ABHD17C: variants seen among roughly 807,000 people sequenced by gnomAD.
ABHD17C encodes abhydrolase domain containing 17C, depalmitoylase, also known as alpha/beta hydrolase domain-containing protein 17C.
ABHD17C carries 11 observed loss-of-function variants against 27.9 expected under a neutral mutation model. The observed-to-expected ratio is 0.39, with a 90% CI of 0.25 to 0.65. The LOEUF (loss-of-function observed/expected upper bound fraction) is 0.65. ABHD17C is among the 30% of genes least tolerant of loss of function. ABHD17C has a pLI of 0.45. For synonymous variants in ABHD17C, 233 were observed against 209.1 expected, an observed-to-expected ratio of 1.11 and a Z score of -0.98; for missense variants, 280 against 470.2, an observed-to-expected ratio of 0.60 and a Z score of 3.74.
intron 2 of ABHD17C, among the ~76,000 whole-genome samples, chr15:80,751,743 G>A (rs1895369221): frequency 6.6e-6 from 1 of 152,190 alleles, no homozygotes; most frequent in Non-Finnish European, 1.5e-5. Context: ...AACAGAGCAA[G>A]ACCCTGTCTC....
At chr15:80,737,172 C>T (rs116435738) in intron 1 of ABHD17C, among the ~76,000 whole-genome samples, 1,701 of 152,304 alleles carry the variant, frequency 0.011, 30 homozygotes, top group African/African-American at 0.039. Context: ...CTGCACACAT[C>T]GCACTGCCCG....
At chr15:80,749,462 C>T in intron 1 of ABHD17C, 51 bp from the exon 2 acceptor site, 1 of 1,577,644 alleles carries the variant, frequency 6.3e-7, no homozygotes, top group Non-Finnish European at 8.6e-7. Flanking sequence ...CTGTCCCTTT[C>T]TCTCTTTCTT....
intron 1 of ABHD17C, among the ~76,000 whole-genome samples, chr15:80,696,761 A>G (rs1263617204): frequency 1.3e-5 from 2 of 152,238 alleles, no homozygotes; most frequent in Non-Finnish European, 2.9e-5. Flanking sequence ...TCTGTGAGCC[A>G]GGCACAAACT....
chr15:80,745,009 G>A (rs1895263130), intron 1 of ABHD17C, among the ~76,000 whole-genome samples: 1 of 152,128 alleles, frequency 6.6e-6, no homozygotes, highest in Admixed American at 6.5e-5. Flanking sequence ...AGTTTTGTGA[G>A]GGCTGTCTCC....
At chr15:80,724,512 G>A (rs1389489819) in intron 1 of ABHD17C, among the ~76,000 whole-genome samples, 2 of 152,140 alleles carry the variant, frequency 1.3e-5, no homozygotes, top group African/African-American at 4.8e-5. Context: ...TGATGATTGA[G>A]TTATGTCTTG....
chr15:80,710,536 A>T (rs60000109), intron 1 of ABHD17C, among the ~76,000 whole-genome samples: 12,349 of 152,176 alleles, frequency 0.081, 604 homozygotes, highest in Admixed American at 0.14. Context: ...ATTTTAGATG[A>T]GAGATGCTGG....
chr15:80,740,176 C>T, intron 1 of ABHD17C, among the ~76,000 whole-genome samples: 1 of 152,128 alleles, frequency 6.6e-6, no homozygotes, highest in Non-Finnish European at 1.5e-5. Flanking sequence ...TCATTACTTA[C>T]TTTTCTGTGA....
chr15:80,717,296 T>C (rs922387986), intron 1 of ABHD17C, among the ~76,000 whole-genome samples: 1 of 151,848 alleles, frequency 6.6e-6, no homozygotes, highest in African/African-American at 2.4e-5. Context: ...CTAATACTTT[T>C]CATCTTTGCC....
chr15:80,699,213 C>A (rs924231735), intron 1 of ABHD17C, among the ~76,000 whole-genome samples: 4 of 152,166 alleles, frequency 2.6e-5, no homozygotes, highest in African/African-American at 9.7e-5. Context: ...TCTCTGAGGG[C>A]AGGGACACTA....
chr15:80,705,333 T>TTGTGTGTGTGTGTGTA (rs1555421863), intron 1 of ABHD17C, among the ~76,000 whole-genome samples: 1 of 106,822 alleles, frequency 9.4e-6, no homozygotes, highest in African/African-American at 3.5e-5. Flanking sequence ...TTCCTATGAT[T>TTGTGTGTGTGTGTGTA]TGTGTGTGTG....
Position 80,695,675 on chromosome 15 carries a change from G to C in ABHD17C, c.246G>C (p.Ala82=). ...AGCAGCCCGAGGAGGGCGCGGGCGC[G>C]GGGCCCGGTGCGTGCAGCCTGCACC... is the stretch of plus-strand genomic sequence containing the variant. The part of the protein sequence containing the change: ...APQQPEEGAG[A]GPGACSLHLS... Residue 82 remains alanine, a synonymous_variant, in exon 1 of 3, where the codon GCG becomes GCC. Transcript: ENST00000258884. The surrounding 1 kb of genome is among the most constrained non-coding windows in gnomAD (Gnocchi z 4.3). 2 of 1,447,244 alleles carry C rather than the reference G, an allele frequency of 1.4e-6. No individual in the cohort carries two copies. The highest frequency in any genetic ancestry group is 1.8e-6 in the Non-Finnish European group (2 of 1,109,986). The allele number at this position is 1,447,244 out of a possible 1,614,324, so 89.7% of individuals were successfully genotyped here. A position where few individuals can be genotyped will look rare whatever the true frequency, so the allele number is the denominator to read the frequency against.
intron 1 of ABHD17C, among the ~76,000 whole-genome samples, chr15:80,721,406 A>T (rs962279820): frequency 1.3e-5 from 2 of 152,110 alleles, no homozygotes; most frequent in African/African-American, 4.8e-5. Flanking sequence ...TTGGTAGGTT[A>T]GCTTGGTGAT....
rs567135984 is a variant in ABHD17C at position 80,697,235 on chromosome 15, G to A, written c.590+1216G>A. Among the ~76,000 whole-genome samples the A allele has an allele frequency of 1.3e-3, 193 of 152,286 alleles. 1 individual carries two copies. Among genetic ancestry groups the A allele is most frequent in the South Asian group, 9.7e-3 (47 of 4,822 alleles). On this transcript the variant is annotated intron_variant, in intron 1 of 2. Coordinates refer to ENST00000258884, the MANE Select transcript of ABHD17C (RefSeq NM_021214.2). ...GCCCTCCTGAAGTCCTGAAGGGGAT[G>A]CCCTCATTGGGATTATAGCTTTTCG...
intron 1 of ABHD17C, among the ~76,000 whole-genome samples, chr15:80,736,901 C>G (rs1244486763): frequency 6.6e-6 from 1 of 152,236 alleles, no homozygotes; most frequent in South Asian, 2.1e-4. Flanking sequence ...TATAAGTGAT[C>G]GTTCCCATGA....
chr15:80,754,009 C>G, intron 2 of ABHD17C, 142 bp from the exon 3 acceptor site: 1 of 701,554 alleles, frequency 1.4e-6, no homozygotes, highest in South Asian at 1.9e-5. Flanking sequence ...AATTTAAAAA[C>G]AAAACAAAAC....
intron 1 of ABHD17C, among the ~76,000 whole-genome samples, chr15:80,733,421 A>G (rs1895083315): frequency 6.6e-6 from 1 of 152,080 alleles, no homozygotes; most frequent in African/African-American, 2.4e-5. Context: ...CCTGGGGAGG[A>G]CTGGGATTGA....
intron 1 of ABHD17C, among the ~76,000 whole-genome samples, chr15:80,727,379 T>C (rs1894996298): frequency 6.6e-6 from 1 of 152,214 alleles, no homozygotes; most frequent in African/African-American, 2.4e-5. Context: ...TGGAACCGCA[T>C]AGCCCCATGG....
chr15:80,698,352 C>A (rs1292591387), intron 1 of ABHD17C, among the ~76,000 whole-genome samples: 6 of 152,212 alleles, frequency 3.9e-5, no homozygotes, highest in East Asian at 3.9e-4. Flanking sequence ...GCGTGAGCCA[C>A]CGCGCCTGGC....
chr15:80,709,502 CAAA>C (rs944980213), intron 1 of ABHD17C, among the ~76,000 whole-genome samples: 2 of 142,184 alleles, frequency 1.4e-5, no homozygotes, highest in African/African-American at 5.0e-5. Flanking sequence ...AAAAAAAAAA[CAAA>C]AAAACACACA....
Sources: gnomAD v4.1 joint callset for allele counts (sites outside exome capture counted in the v4.1 genomes callset) on GRCh38, gnomAD v4.1.1 for gene constraint, Gnocchi (gnomAD v3.1) non-coding constraint, MANE v1.5 for transcripts, NCBI Gene and HGNC (gene_info 2026-07-23, HGNC 2026-07-21) for gene names.